The following GRIA4 variants were observed in gnomAD, a reference collection of about 807,000 sequenced individuals.
GRIA4 encodes the protein glutamate ionotropic receptor AMPA type subunit 4, also known as glutamate receptor 4.
A neutral mutation model predicts 104.0 loss-of-function variants in GRIA4; 34 were observed. That is an observed-to-expected ratio of 0.33 (90% CI 0.25 to 0.44). The LOEUF (loss-of-function observed/expected upper bound fraction) is 0.44. Ranked by LOEUF, GRIA4 falls within the 20% of genes least tolerant of loss-of-function variation. The probability of loss-of-function intolerance (pLI) is 1.00; values close to 1 mark genes in which losing one functional copy is unlikely to be tolerated. For missense variants in GRIA4, 750 were observed against 1,096.5 expected (o/e 0.68, Z 4.46); for synonymous variants, 386 against 381.9 (o/e 1.01, Z -0.13).
At chr11:105,969,040 T>C (rs995937281) in intron 14 of GRIA4, among the ~76,000 whole-genome samples, 1 of 152,222 alleles carries the variant, frequency 6.6e-6, no homozygotes, top group African/African-American at 2.4e-5. Context: ...ATATGCACAC[T>C]CATAAATGTG....
chr11:105,689,065 C>T (rs569127332), intron 3 of GRIA4, among the ~76,000 whole-genome samples: 61 of 152,134 alleles, frequency 4.0e-4, no homozygotes, highest in African/African-American at 1.4e-3. Flanking sequence ...TGAATGTTTA[C>T]ATTTAGTCCT....
At chr11:105,676,214 T>C (rs1348972674) in intron 3 of GRIA4, among the ~76,000 whole-genome samples, 1 of 151,726 alleles carries the variant, frequency 6.6e-6, no homozygotes, top group East Asian at 1.9e-4. Flanking sequence ...ATAGAAAATT[T>C]ATAAAGAGAT....
intron 3 of GRIA4, among the ~76,000 whole-genome samples, chr11:105,652,511 G>A (rs1591505609): frequency 6.6e-6 from 1 of 152,120 alleles, no homozygotes; most frequent in South Asian, 2.1e-4. Flanking sequence ...TAATCAGAAT[G>A]AAGAGAATAG....
intron 3 of GRIA4, among the ~76,000 whole-genome samples, chr11:105,744,091 T>C (rs892486341): frequency 3.3e-5 from 5 of 152,192 alleles, no homozygotes; most frequent in African/African-American, 1.2e-4. Context: ...CTCCACCCTC[T>C]GAGAAGTACC....
At chr11:105,679,008 C>T (rs1037090) in intron 3 of GRIA4, among the ~76,000 whole-genome samples, 68,602 of 151,546 alleles carry the variant, frequency 0.45, 16,348 homozygotes, top group Admixed American at 0.57. Flanking sequence ...AGTTAGTAGA[C>T]GTATTAGAGT....
intron 4 of GRIA4, among the ~76,000 whole-genome samples, chr11:105,846,555 G>T (rs1944604489): frequency 6.6e-6 from 1 of 151,856 alleles, no homozygotes; most frequent in Admixed American, 6.6e-5. Context: ...AAAAGAAATA[G>T]AAGCCAAAGC....
chr11:105,980,020 A>T lies in GRIA4; in HGVS notation c.*281A>T, dbSNP rs1233754737. 2 of 306,080 alleles carry T rather than the reference A, an allele frequency of 6.5e-6. No homozygotes were observed. The highest frequency in any genetic ancestry group is 1.2e-5 in the Non-Finnish European group (2 of 162,240). The allele number at this position is 306,080 out of a possible 1,614,324, so 19.0% of individuals were successfully genotyped here. On this transcript the variant is annotated 3_prime_UTR_variant, in exon 17 of 17. Transcript: ENST00000282499. ...TGGGATGGGTGTATTAACAGCAACA[A>T]ATTTCATTCGAGTGGACTCAAAAAC... is the stretch of plus-strand genomic sequence containing the variant.
intron 3 of GRIA4, among the ~76,000 whole-genome samples, chr11:105,733,014 C>T (rs1044400731): frequency 1.3e-5 from 2 of 152,170 alleles, no homozygotes; most frequent in Non-Finnish European, 2.9e-5. Context: ...TAAACAGCCT[C>T]TTTATGTTGT....
intron 3 of GRIA4, among the ~76,000 whole-genome samples, chr11:105,699,785 C>T (rs1053563704): frequency 3.3e-5 from 5 of 152,068 alleles, no homozygotes; most frequent in Non-Finnish European, 5.9e-5. Context: ...CCTAAACTAC[C>T]CTACTTAAAG....
intron 3 of GRIA4, among the ~76,000 whole-genome samples, chr11:105,616,750 G>A (rs892056555): frequency 1.1e-4 from 17 of 151,786 alleles, no homozygotes; most frequent in African/African-American, 3.9e-4. Flanking sequence ...AATACTATTT[G>A]ACTTTTGCCT....
chr11:105,704,114 A>G (rs757145647), intron 3 of GRIA4, among the ~76,000 whole-genome samples: 1 of 152,172 alleles, frequency 6.6e-6, no homozygotes, highest in Non-Finnish European at 1.5e-5. Context: ...GAGGGCCTAC[A>G]AGGTACAAAG....
At chr11:105,718,168 T>C (rs1018268542) in intron 3 of GRIA4, among the ~76,000 whole-genome samples, 19 of 152,146 alleles carry the variant, frequency 1.2e-4, no homozygotes, top group African/African-American at 4.3e-4. Context: ...CACTGAGTCT[T>C]AAAATATTTA....
intron 3 of GRIA4, among the ~76,000 whole-genome samples, chr11:105,690,865 C>A (rs1183256513): frequency 1.3e-5 from 2 of 152,080 alleles, no homozygotes; most frequent in Non-Finnish European, 2.9e-5. Flanking sequence ...GAATCATAAT[C>A]AACTTCAAGA....
chr11:105,813,842 T>G (rs1234591574), intron 4 of GRIA4, among the ~76,000 whole-genome samples: 2 of 151,766 alleles, frequency 1.3e-5, no homozygotes, highest in African/African-American at 4.8e-5. Flanking sequence ...CATAACAGCA[T>G]GAAAAAAATA....
intron 3 of GRIA4, among the ~76,000 whole-genome samples, chr11:105,623,379 A>G (rs1950804800): frequency 6.6e-6 from 1 of 151,866 alleles, no homozygotes; most frequent in South Asian, 2.1e-4. Context: ...TACTTAACAT[A>G]TTTGAGCCGG....
chr11:105,856,526 C>T lies in GRIA4; in HGVS notation c.488-5498C>T, dbSNP rs188432404. On this transcript the variant is annotated intron_variant, in intron 4 of 16. Transcript: ENST00000282499. ...GAGTTTCCTGAAGCCTCCACACAAC[C>T]GTTCCACTTATAACCCATTGCCCAC... Among the ~76,000 whole-genome samples the T allele has an allele frequency of 7.6e-4, 115 of 152,164 alleles. No individual in the cohort carries two copies. The East Asian group carries it at 0.019, about 26-fold the overall frequency.
At chr11:105,680,929 A>G (rs569502905) in intron 3 of GRIA4, among the ~76,000 whole-genome samples, 9 of 152,282 alleles carry the variant, frequency 5.9e-5, no homozygotes, top group South Asian at 4.1e-4. Flanking sequence ...ACATTACAAC[A>G]TCCTCCATAC....
chr11:105,699,067 A>C (rs919506228), intron 3 of GRIA4, among the ~76,000 whole-genome samples: 2 of 152,150 alleles, frequency 1.3e-5, no homozygotes, highest in Non-Finnish European at 2.9e-5. Context: ...TCAAGTGCTC[A>C]TGTCTTCCTT....
chr11:105,624,606 T>A (rs1409743934), intron 3 of GRIA4, among the ~76,000 whole-genome samples: 2 of 152,128 alleles, frequency 1.3e-5, no homozygotes, highest in Admixed American at 1.3e-4. Flanking sequence ...TATCCTTGGT[T>A]AATTACTTAA....
Sources: allele counts gnomAD v4.1 joint callset (sites outside exome capture counted in the v4.1 genomes callset), GRCh38; gene constraint gnomAD v4.1.1; transcripts MANE v1.5; gene names NCBI Gene and HGNC (gene_info 2026-07-23, HGNC 2026-07-21).